The following GRM7 variants were observed in gnomAD, a reference collection of about 807,000 sequenced individuals.
GRM7 encodes metabotropic glutamate receptor 7.
GRM7 carries 35 observed loss-of-function variants against 84.5 expected under a neutral mutation model. The observed-to-expected ratio is 0.41, with a 90% confidence interval of 0.32 to 0.55. The LOEUF is 0.55. GRM7 is among the 20% of genes least tolerant of loss of function. The pLI is 0.19. For missense variants in GRM7, 1,003 were observed against 1,194.6 expected, an observed-to-expected ratio of 0.84 and a Z score of 2.36; for synonymous variants, 487 against 455.1, an observed-to-expected ratio of 1.07 and a Z score of -0.89.
chr3:6,978,591 G>A (rs1694084379), intron 1 of GRM7, among the ~76,000 whole-genome samples: 1 of 152,216 alleles, frequency 6.6e-6, no homozygotes, highest in Admixed American at 6.5e-5. Flanking sequence ...AATGAATGCT[G>A]GGTTAGGCAA....
intron 2 of GRM7, among the ~76,000 whole-genome samples, chr3:7,260,394 C>T (rs1267493062): frequency 1.3e-5 from 2 of 151,972 alleles, no homozygotes; most frequent in Admixed American, 1.3e-4. Context: ...GCCTAGGTTG[C>T]CTTCCAGGGA....
chr3:6,923,076 G>A (rs987085960), intron 1 of GRM7, among the ~76,000 whole-genome samples: 46 of 151,736 alleles, frequency 3.0e-4, no homozygotes, highest in Non-Finnish European at 1.5e-4. Flanking sequence ...GTACACTTGC[G>A]GAATCTCGGC....
At chr3:7,591,480 A>C (rs1395953511) in intron 8 of GRM7, 2 of 446,634 alleles carry the variant, frequency 4.5e-6, no homozygotes, top group Middle Eastern at 3.3e-4. Context: ...CTGTATATCA[A>C]AAGCTTTTAG....
At chr3:7,553,401 T>C (rs1189361665) in intron 7 of GRM7, among the ~76,000 whole-genome samples, 1 of 152,210 alleles carries the variant, frequency 6.6e-6, no homozygotes, top group Admixed American at 6.5e-5. Flanking sequence ...TGTTATCCAG[T>C]TCCAAAGTTG....
In GRM7 at chr3:7,701,298, ATTTTTTT is replaced by A. The variant is rs35986412; in HGVS notation, c.2698+21017_2698+21023del. Among the ~76,000 whole-genome samples the A allele has an allele frequency of 3.5e-4, 42 of 120,476 alleles. No individual in the cohort carries two copies. The South Asian group carries it at 7.3e-3, about 21-fold the overall frequency. 79.0% of individuals were successfully genotyped at this position (120,476 alleles called of 152,430 possible). ...TCATACAGAAGATACCTGTGGTTGC[ATTTTTTT>A]TTTTTTTTTTTTTGAGACGGAATCT... is the stretch of plus-strand genomic sequence containing the variant. On this transcript the variant is annotated intron_variant, in intron 9 of 9. Coordinates refer to ENST00000357716, the MANE Select transcript of GRM7 (RefSeq NM_000844.4).
At chr3:6,943,716 A>C (rs1244396781) in intron 1 of GRM7, among the ~76,000 whole-genome samples, 1 of 152,060 alleles carries the variant, frequency 6.6e-6, no homozygotes, top group Non-Finnish European at 1.5e-5. Flanking sequence ...TGTCAATTTT[A>C]ACAAAATCAC....
intron 2 of GRM7, among the ~76,000 whole-genome samples, chr3:7,198,389 T>G (rs1336068789): frequency 6.6e-6 from 1 of 152,152 alleles, no homozygotes; most frequent in Admixed American, 6.5e-5. Flanking sequence ...AATTAATGAC[T>G]GGGAGGCTTC....
At chr3:7,015,328 C>G (rs1559385064) in intron 1 of GRM7, among the ~76,000 whole-genome samples, 3 of 152,130 alleles carry the variant, frequency 2.0e-5, no homozygotes, top group South Asian at 4.1e-4. Context: ...CAGAAGGAAC[C>G]AACTGTGGAT....
intron 5 of GRM7, among the ~76,000 whole-genome samples, chr3:7,449,249 A>G (rs967199859): frequency 6.6e-6 from 1 of 152,170 alleles, no homozygotes; most frequent in African/African-American, 2.4e-5. Context: ...GCAAAAATGA[A>G]TAAAACATCT....
chr3:7,499,891 C>T (rs1699828573), intron 7 of GRM7, among the ~76,000 whole-genome samples: 1 of 151,916 alleles, frequency 6.6e-6, no homozygotes, highest in African/African-American at 2.4e-5. Flanking sequence ...TCTCCTGCCT[C>T]AGCCTCCCAA....
rs1168369705 is a variant in GRM7 at position 6,862,598 on chromosome 3, A to G, written c.519+691A>G. 1 of 195,356 alleles carries G rather than the reference A, an allele frequency of 5.1e-6. No homozygotes were observed. Among genetic ancestry groups the G allele is most frequent in the Admixed American group, 6.1e-5 (1 of 16,426 alleles). 12.1% of individuals were successfully genotyped at this position (195,356 alleles called of 1,614,324 possible). A position where few individuals can be genotyped will look rare whatever the true frequency, so the allele number is the denominator to read the frequency against. On this transcript the variant is annotated intron_variant, in intron 1 of 9. Transcript: ENST00000357716. The surrounding 1 kb of genome is among the most constrained non-coding windows in gnomAD (Gnocchi z 5.2). ...CCGGGCAATATTTTGCACCGTCTAAATTACATGTGCGATCCGGCCACTGGC... is the reference window on the plus strand; with the variant it reads ...CCGGGCAATATTTTGCACCGTCTAAGTTACATGTGCGATCCGGCCACTGGC...
In GRM7 at chr3:7,082,013, G is replaced by A. The variant is rs1008198073; in HGVS notation, c.520-64439G>A. On this transcript the variant is annotated intron_variant, in intron 1 of 9. Transcript: ENST00000357716. ...CATTGCCATCACATAAAAATGCAAG[G>A]TGAGGCAGCAAGTGCTGATATAGAA... 9.2e-5 allele frequency among the ~76,000 whole-genome samples: 14 copies of A among 152,238 alleles called. No individual in the cohort carries two copies. The East Asian group carries it at 2.3e-3, about 25-fold the overall frequency.
chr3:7,703,481 G>A (rs931581570), intron 9 of GRM7, among the ~76,000 whole-genome samples: 2 of 151,928 alleles, frequency 1.3e-5, no homozygotes, highest in African/African-American at 4.8e-5. Context: ...ACCCTGGGCT[G>A]TGGTGTTTAT....
intron 7 of GRM7, among the ~76,000 whole-genome samples, chr3:7,552,200 A>T (rs12635854): frequency 0.1 from 15,264 of 152,114 alleles, 968 homozygotes; most frequent in South Asian, 0.19. Flanking sequence ...ATCTCTTTTG[A>T]CTCCATGTCT....
chr3:6,894,350 A>G (rs568594525), intron 1 of GRM7, among the ~76,000 whole-genome samples: 2 of 152,314 alleles, frequency 1.3e-5, no homozygotes, highest in East Asian at 1.9e-4. Flanking sequence ...AAATATTTTT[A>G]TATTATCAAA....
chr3:7,324,531 C>G (rs980467958), intron 4 of GRM7, among the ~76,000 whole-genome samples: 1 of 152,102 alleles, frequency 6.6e-6, no homozygotes, highest in African/African-American at 2.4e-5. Context: ...TATGGATTCC[C>G]CATATGCCAG....
intron 1 of GRM7, among the ~76,000 whole-genome samples, chr3:6,921,323 C>T (rs1394122496): frequency 6.6e-6 from 1 of 152,168 alleles, no homozygotes; most frequent in Non-Finnish European, 1.5e-5. Context: ...TGAGAGCCTT[C>T]TGCTGAACAG....
At chr3:7,154,150 C>A (rs1694372885) in intron 2 of GRM7, among the ~76,000 whole-genome samples, 1 of 152,144 alleles carries the variant, frequency 6.6e-6, no homozygotes, top group South Asian at 2.1e-4. Context: ...ATGTGGTAGC[C>A]ATTCCAAAAA....
chr3:7,369,618 A>G (rs933926170), intron 4 of GRM7, among the ~76,000 whole-genome samples: 1 of 152,090 alleles, frequency 6.6e-6, no homozygotes, highest in African/African-American at 2.4e-5. Flanking sequence ...TTATTGTCAT[A>G]TGAGTTTTCA....
Sources: gnomAD v4.1 joint callset for allele counts (sites outside exome capture counted in the v4.1 genomes callset) on GRCh38, gnomAD v4.1.1 for gene constraint, Gnocchi (gnomAD v3.1) non-coding constraint, MANE v1.5 for transcripts, NCBI Gene and HGNC (gene_info 2026-07-23, HGNC 2026-07-21) for gene names.